The following SLC9C2 variants were observed in gnomAD, a reference collection of about 807,000 sequenced individuals.
SLC9C2 encodes solute carrier family 9 member C2 (putative).
In SLC9C2, 75 loss-of-function variants were observed where a neutral mutation model predicts 140.2. That is an observed-to-expected ratio of 0.53 (90% confidence interval 0.44 to 0.65). SLC9C2 has a LOEUF of 0.65. SLC9C2 is among the 30% of genes least tolerant of loss of function. SLC9C2 has a pLI of 0.00. For synonymous variants in SLC9C2, 375 were observed against 420.9 expected, an observed-to-expected ratio of 0.89 and a Z score of 1.34; for missense variants, 1,074 against 1,331.8, an observed-to-expected ratio of 0.81 and a Z score of 3.01.
chr1:173,519,818 A>T (rs1558023801), intron 22 of SLC9C2, among the ~76,000 whole-genome samples: 2 of 150,312 alleles, frequency 1.3e-5, no homozygotes, highest in Admixed American at 6.6e-5. Flanking sequence ...GGCCAAGTGA[A>T]TTTTTTTTTT....
chr1:173,506,991 A>T lies in SLC9C2; in HGVS notation c.3090T>A (p.Thr1030=). The change falls in exon 25 of 28, where the codon ACT becomes ACA. Residue 1030 remains threonine (T), a synonymous_variant. Coordinates refer to ENST00000367714, the MANE Select transcript of SLC9C2 (RefSeq NM_178527.4). ...TAATCATGTCACTATAGCTTGATAA[A>T]GTTTCCACATATGCTTGATTGAACA... ...CVMFNQAYVE[T]LSSYSDMIID... is the part of the protein sequence containing the mutation. The T allele has an allele frequency of 1.2e-6, 2 of 1,610,506 alleles. No individual in the cohort carries two copies. The highest frequency in any genetic ancestry group is 1.7e-6 in the Non-Finnish European group (2 of 1,178,966).
At chr1:173,528,152 T>C (rs777752795) in intron 18 of SLC9C2, among the ~76,000 whole-genome samples, 1 of 152,222 alleles carries the variant, frequency 6.6e-6, no homozygotes, top group Non-Finnish European at 1.5e-5. Context: ...CATGAAAGCC[T>C]GGGCATACAT....
At chr1:173,593,484 C>A (rs569691128) in intron 4 of SLC9C2, among the ~76,000 whole-genome samples, 1 of 152,296 alleles carries the variant, frequency 6.6e-6, no homozygotes, top group African/African-American at 2.4e-5. Flanking sequence ...TGTGCCACTG[C>A]ACTCTAGCCT....
At chr1:173,549,638 T>C (rs1177872662) in intron 11 of SLC9C2, among the ~76,000 whole-genome samples, 7 of 151,962 alleles carry the variant, frequency 4.6e-5, no homozygotes, top group Non-Finnish European at 8.8e-5. Flanking sequence ...GTGGAAGGAG[T>C]TGGTTTGAAA....
intron 4 of SLC9C2, among the ~76,000 whole-genome samples, chr1:173,595,963 C>T (rs1666429649): frequency 6.6e-6 from 1 of 152,132 alleles, no homozygotes; most frequent in African/African-American, 2.4e-5. Flanking sequence ...CATTCCCTAG[C>T]AACCAATGAT....
chr1:173,506,738 G>GT, intron 25 of SLC9C2, 118 bp downstream of exon 25: 1 of 805,046 alleles, frequency 1.2e-6, no homozygotes, highest in Admixed American at 3.0e-5. Context: ...TAAAAGGCAA[G>GT]TAAGAACTAC....
chr1:173,550,937 G>C lies in SLC9C2; in HGVS notation c.1298-2385C>G, dbSNP rs569372305. Among the ~76,000 whole-genome samples, 144 of 149,792 alleles carry C rather than the reference G, an allele frequency of 9.6e-4. 1 individual carries two copies. Among genetic ancestry groups the C allele is most frequent in the African/African-American group, 3.3e-3 (133 of 40,390 alleles). On this transcript the variant is annotated intron_variant, in intron 11 of 27. Transcript: ENST00000367714. ...GAAGGGAAGGGAAGAGGAGGGGAGG[G>C]GAGGGGAGGGGAGCAAGTCCATAAC...
intron 5 of SLC9C2, among the ~76,000 whole-genome samples, chr1:173,585,895 G>A (rs987188688): frequency 6.6e-6 from 1 of 152,068 alleles, no homozygotes; most frequent in African/African-American, 2.4e-5. Context: ...TTAAACCCAG[G>A]GGGTGGAGGT....
At chr1:173,602,166 G>A (rs1195874045) in intron 1 of SLC9C2, among the ~76,000 whole-genome samples, 1 of 152,154 alleles carries the variant, frequency 6.6e-6, no homozygotes, top group Non-Finnish European at 1.5e-5. Flanking sequence ...AAAGGCCAGG[G>A]CCCGAACTTT....
chr1:173,557,305 A>G (rs754308996), intron 10 of SLC9C2, 35 bp downstream of exon 10: 3 of 1,573,324 alleles, frequency 1.9e-6, no homozygotes, highest in Middle Eastern at 1.7e-4. Context: ...TAAAAATGAT[A>G]AATATGAATA....
intron 20 of SLC9C2, 27 bp from the exon 21 acceptor site, chr1:173,524,121 G>A (rs1189521800): frequency 3.2e-6 from 5 of 1,579,612 alleles, no homozygotes; most frequent in Non-Finnish European, 4.3e-6. Flanking sequence ...AAAATAATGG[G>A]GATCAGATCC....
intron 9 of SLC9C2, among the ~76,000 whole-genome samples, chr1:173,562,855 G>A (rs1664202654): frequency 6.6e-6 from 1 of 152,086 alleles, no homozygotes; most frequent in African/African-American, 2.4e-5. Flanking sequence ...GAGATCAAGA[G>A]AGCTGATCCC....
At chr1:173,523,937 AC>A in intron 21 of SLC9C2, 31 bp downstream of exon 21, 2 of 1,594,400 alleles carry the variant, frequency 1.3e-6, no homozygotes, top group South Asian at 2.3e-5. Flanking sequence ...TTACCATCAA[AC>A]CTGAGCCAGA....
At chr1:173,564,782 C>T (rs1318822113) in intron 9 of SLC9C2, among the ~76,000 whole-genome samples, 3 of 149,134 alleles carry the variant, frequency 2.0e-5, no homozygotes, top group African/African-American at 4.9e-5. Flanking sequence ...GAACTACAGG[C>T]GCCTGCCACC....
At chr1:173,529,347 T>C (rs1387514226) in intron 18 of SLC9C2, among the ~76,000 whole-genome samples, 1 of 152,120 alleles carries the variant, frequency 6.6e-6, no homozygotes, top group Admixed American at 6.5e-5. Context: ...ATAGACAGAC[T>C]GGTGCGAGGG....
intron 9 of SLC9C2, among the ~76,000 whole-genome samples, chr1:173,559,988 C>T (rs779626574): frequency 1.3e-5 from 2 of 152,092 alleles, no homozygotes. Context: ...TTATATAATC[C>T]GAATCTACCA....
chr1:173,601,914 T>A (rs1666808732), intron 1 of SLC9C2, 59 bp from the exon 2 acceptor site: 1 of 1,057,620 alleles, frequency 9.5e-7, no homozygotes, highest in Admixed American at 2.3e-5. Flanking sequence ...CCATACCATT[T>A]CTACCTAAGA....
rs901519228 is a variant in SLC9C2, at chr1:173,587,692, G to C, written c.496C>G (p.Arg166Gly). The change falls in exon 5 of 28, where the codon CGT becomes GGT. Residue 166 changes from arginine to glycine, a missense_variant. Arg to Gly is a moderately radical substitution (Grantham distance 125, BLOSUM62 -2). Coordinates refer to ENST00000367714, the MANE Select transcript of SLC9C2 (RefSeq NM_178527.4). The stretch of plus-strand genomic sequence containing the variant: ...ATAGTTTTTAGTGAATTCACAGAAC[G>C]AAGAGGATCTATAATGCCAAGGGTG... ...SITLGIIDPL[R>G]SVNSLKTIGI... is the part of the protein sequence containing the mutation. 1.2e-6 allele frequency: 2 copies of C among 1,612,294 alleles called. No individual in the cohort carries two copies. Among genetic ancestry groups the C allele is most frequent in the African/African-American group, 2.7e-5 (2 of 74,880 alleles).
rs1033254105 is a variant in SLC9C2 at position 173,529,826 on chromosome 1, C to T, written c.2313+79G>A. 1.3e-5 allele frequency: 19 copies of T among 1,475,024 alleles called. No individual in the cohort carries two copies. In the Admixed American group the frequency reaches 4.2e-4, roughly 32 times the overall value. The allele number at this position is 1,475,024 out of a possible 1,614,324, so 91.4% of individuals were successfully genotyped here. ...GTTGGAATTTGTCTGTTTCGTCAAA[C>T]ACACATAGAACTAGTCTTAAAAGAA... On this transcript the variant is annotated intron_variant, in intron 18 of 27. Transcript: ENST00000367714.
Sources: gnomAD v4.1 joint callset for allele counts (sites outside exome capture counted in the v4.1 genomes callset) on GRCh38, gnomAD v4.1.1 for gene constraint, MANE v1.5 for transcripts, NCBI Gene and HGNC (gene_info 2026-07-23, HGNC 2026-07-21) for gene names.